The following QTMAN variants were observed in gnomAD, a reference collection of about 807,000 sequenced individuals.
QTMAN encodes tRNA-queuosine alpha-mannosyltransferase.
At chr2:144,044,811 A>C in the QTMAN span, among the ~76,000 whole-genome samples, 10 of 152,298 alleles carry the variant, frequency 6.6e-5, no homozygotes, top group Admixed American at 4.6e-4. Flanking sequence ...TGGCTTTAAG[A>C]ATGTCCAAAA....
chr2:144,275,594 T>C, the QTMAN span, among the ~76,000 whole-genome samples: 1 of 152,044 alleles, frequency 6.6e-6, no homozygotes, highest in Non-Finnish European at 1.5e-5. Context: ...CCACCTCAGG[T>C]CAGTTCCCAG....
chr2:144,177,500 G>A, the QTMAN span, among the ~76,000 whole-genome samples: 1 of 152,052 alleles, frequency 6.6e-6, no homozygotes, highest in Non-Finnish European at 1.5e-5. Flanking sequence ...AGATACAAAT[G>A]CATACGAGGA....
chr2:144,009,130 G>C, the QTMAN span, among the ~76,000 whole-genome samples: 1 of 152,056 alleles, frequency 6.6e-6, no homozygotes, highest in Non-Finnish European at 1.5e-5. Flanking sequence ...CATAGTGTAG[G>C]GGAAAAGCAA....
At chr2:143,947,791 AG>A in the QTMAN span, among the ~76,000 whole-genome samples, 2,549 of 152,162 alleles carry the variant, frequency 0.017, 162 homozygotes, top group Admixed American at 0.11. Flanking sequence ...TGATGCTAAA[AG>A]GTTTTTTCCT....
At chr2:144,194,360 T>G in the QTMAN span, among the ~76,000 whole-genome samples, 11 of 152,300 alleles carry the variant, frequency 7.2e-5, no homozygotes, top group African/African-American at 2.6e-4. Flanking sequence ...GAATTGGGCT[T>G]GCATTTAGCT....
At chr2:144,046,552 T>C in the QTMAN span, among the ~76,000 whole-genome samples, 2 of 152,220 alleles carry the variant, frequency 1.3e-5, no homozygotes, top group African/African-American at 4.8e-5. Flanking sequence ...TAGGATCCAC[T>C]ATTGTATCAA....
the QTMAN span, among the ~76,000 whole-genome samples, chr2:144,023,088 T>C: frequency 6.6e-6 from 1 of 152,074 alleles, no homozygotes; most frequent in Admixed American, 6.6e-5. Context: ...TCTAATCCTA[T>C]AGGAAGTTGT....
At chr2:143,951,909 TG>T in the QTMAN span, 13 of 758,734 alleles carry the variant, frequency 1.7e-5, no homozygotes, top group Admixed American at 1.3e-4. Context: ...GTTAATTAAA[TG>T]TTTTTTTTTA....
chr2:143,946,998 GAA>G, the QTMAN span: 1 of 1,278,672 alleles, frequency 7.8e-7, no homozygotes, highest in Non-Finnish European at 1.1e-6. Context: ...GCACACTCTG[GAA>G]AGTTCTTCAG....
the QTMAN span, among the ~76,000 whole-genome samples, chr2:144,243,326 G>A: frequency 6.6e-6 from 1 of 152,114 alleles, no homozygotes; most frequent in East Asian, 1.9e-4. Flanking sequence ...ACTGTAATCT[G>A]ACAACTCCAT....
chr2:144,265,858 A>C, the QTMAN span, among the ~76,000 whole-genome samples: 2 of 152,126 alleles, frequency 1.3e-5, no homozygotes, highest in Non-Finnish European at 2.9e-5. Flanking sequence ...CAACCTAGGC[A>C]CACCACCCTC....
chr2:144,322,626 G>A, the QTMAN span, among the ~76,000 whole-genome samples: 1 of 152,058 alleles, frequency 6.6e-6, no homozygotes, highest in Non-Finnish European at 1.5e-5. Flanking sequence ...ACACAAATAT[G>A]TAGTGAAACG....
At chr2:144,079,050 T>A in the QTMAN span, among the ~76,000 whole-genome samples, 2 of 152,206 alleles carry the variant, frequency 1.3e-5, no homozygotes, top group African/African-American at 2.4e-5. Flanking sequence ...ACCATAACAA[T>A]AAGAGTGTGA....
chr2:144,052,247 C>CT, the QTMAN span, among the ~76,000 whole-genome samples: 4 of 152,228 alleles, frequency 2.6e-5, no homozygotes, highest in South Asian at 8.3e-4. Context: ...AAAACTGGGG[C>CT]TGTGAGGTGA....
At chr2:144,292,571 C>G in the QTMAN span, among the ~76,000 whole-genome samples, 1 of 152,036 alleles carries the variant, frequency 6.6e-6, no homozygotes, top group Non-Finnish European at 1.5e-5. Context: ...GTACTACAAA[C>G]AGAAGCATTA....
At chr2:144,141,786 G>A in the QTMAN span, 3 of 869,310 alleles carry the variant, frequency 3.5e-6, no homozygotes, top group South Asian at 5.4e-5. Context: ...CCATACTTAT[G>A]CTAAAAAGTT....
At chr2:143,976,526 A>G in the QTMAN span, among the ~76,000 whole-genome samples, 1 of 152,168 alleles carries the variant, frequency 6.6e-6, no homozygotes, top group East Asian at 1.9e-4. Flanking sequence ...TGTTAGAATT[A>G]CCGACTTCTC....
At chr2:144,104,342 G>T in the QTMAN span, among the ~76,000 whole-genome samples, 1 of 152,190 alleles carries the variant, frequency 6.6e-6, no homozygotes, top group African/African-American at 2.4e-5. Context: ...AGGGGTCAGG[G>T]AATTCCCTTT....
the QTMAN span, among the ~76,000 whole-genome samples, chr2:143,949,688 G>T: frequency 6.6e-6 from 1 of 151,720 alleles, no homozygotes; most frequent in African/African-American, 2.4e-5. Flanking sequence ...GATCCTCTCC[G>T]ACTGCATAAG....
Sources: allele counts gnomAD v4.1 joint callset (sites outside exome capture counted in the v4.1 genomes callset), GRCh38; gene constraint gnomAD v4.1.1; transcripts MANE v1.5; gene names NCBI Gene and HGNC (gene_info 2026-07-23, HGNC 2026-07-21).